Variants in ZRANB2 observed in about 807,000 individuals in gnomAD.
The protein encoded by ZRANB2 is zinc finger Ran-binding domain-containing protein 2.
ZRANB2 carries 19 observed loss-of-function variants against 53.4 expected under a neutral mutation model. The ratio of observed to expected loss-of-function variants is 0.36; its 90% CI spans 0.25 to 0.52. The LOEUF (loss-of-function observed/expected upper bound fraction) is 0.52, where lower values mean the gene tolerates loss of function less well. Among genes scored for constraint, ZRANB2 ranks in the 20% least tolerant of loss-of-function variants. The probability of loss-of-function intolerance (pLI) is 0.93; values close to 1 mark genes in which losing one functional copy is unlikely to be tolerated. For synonymous variants in ZRANB2, 145 were observed against 134.8 expected, an observed-to-expected ratio of 1.08 and a Z score of -0.52; for missense variants, 309 against 401.1, an observed-to-expected ratio of 0.77 and a Z score of 1.96.
rs754830965 is a variant in ZRANB2 at position 71,072,137 on chromosome 1, T to C, written c.497A>G (p.Lys166Arg). ...EEEDEDEDLS[K>R]YKLDEDEDED... ...ATTGTTCACCTCATCTAACTTATAT[T>C]TAGAAAGATCTTCATCCTCATCCTC... The change falls in exon 6 of 10, where the codon AAA becomes AGA. Residue 166 changes from lysine to arginine, a missense_variant. This residue lies in a region of ZRANB2 where 74 missense variants were observed against 180.1 expected (regional missense o/e 0.41). Transcript: ENST00000370920. 1.9e-6 allele frequency: 3 copies of C among 1,608,760 alleles called. No homozygotes were observed. The highest frequency in any genetic ancestry group is 2.5e-6 in the Non-Finnish European group (3 of 1,178,412).
At chr1:71,076,617 G>C (rs888728314) in intron 4 of ZRANB2, among the ~76,000 whole-genome samples, 178 bp downstream of exon 4, 1 of 152,102 alleles carries the variant, frequency 6.6e-6, no homozygotes, top group African/African-American at 2.4e-5. Flanking sequence ...TTTATAAATT[G>C]TGAAACAAAA....
chr1:71,068,747 G>T (rs565448135), intron 8 of ZRANB2, among the ~76,000 whole-genome samples: 2 of 151,424 alleles, frequency 1.3e-5, no homozygotes, highest in Admixed American at 6.6e-5. Context: ...TAATAATGAA[G>T]AAAATTTTTC....
Position 71,072,117 on chromosome 1 carries a change from T to C in ZRANB2, c.513+4A>G. The C allele has an allele frequency of 6.2e-7, 1 of 1,602,658 alleles. No individual in the cohort carries two copies. Among genetic ancestry groups the C allele is most frequent in the Non-Finnish European group, 8.5e-7 (1 of 1,176,892 alleles). On this transcript the variant is annotated splice_donor_region_variant and intron_variant, in intron 6 of 9. Coordinates refer to ENST00000370920, the MANE Select transcript of ZRANB2 (RefSeq NM_203350.3). ...AAGGGAAATAGGACAAGAAAATTGT[T>C]CACCTCATCTAACTTATATTTAGAA...
chr1:71,074,468 A>G (rs1661663067), intron 4 of ZRANB2, among the ~76,000 whole-genome samples: 3 of 152,160 alleles, frequency 2.0e-5, no homozygotes, highest in Admixed American at 2.0e-4. Context: ...ACAATGGAAA[A>G]AAAGCGGGAA....
At chr1:71,079,566 T>C (rs568826363) in intron 1 of ZRANB2, among the ~76,000 whole-genome samples, 3 of 152,340 alleles carry the variant, frequency 2.0e-5, no homozygotes, top group Admixed American at 1.3e-4. Flanking sequence ...GTTAAGTTTT[T>C]CCCCTAAAAA....
intron 1 of ZRANB2, 132 bp from the exon 2 acceptor site, chr1:71,078,840 C>T (rs1310009259): frequency 5.3e-6 from 4 of 749,566 alleles, no homozygotes; most frequent in African/African-American, 3.6e-5. Context: ...ATGTTACCAA[C>T]AAAAAACTCC....
intron 7 of ZRANB2, chr1:71,069,615 T>G (rs1329660970): frequency 8.0e-6 from 2 of 250,814 alleles, no homozygotes; most frequent in Non-Finnish European, 1.5e-5. Flanking sequence ...ATTATCACTT[T>G]ATTACAAAAA....
chr1:71,073,371 C>G (rs902077616), intron 4 of ZRANB2, among the ~76,000 whole-genome samples: 3 of 151,970 alleles, frequency 2.0e-5, no homozygotes, highest in Non-Finnish European at 4.4e-5. Context: ...TAACTGGTCA[C>G]ATACTCCAGA....
chr1:71,072,786 A>T (rs564332772), intron 4 of ZRANB2, among the ~76,000 whole-genome samples: 1 of 152,192 alleles, frequency 6.6e-6, no homozygotes, highest in East Asian at 1.9e-4. Context: ...GCCCTACATG[A>T]CTTATTTAAT....
At chr1:71,068,151 C>T (rs1032717790) in intron 8 of ZRANB2, among the ~76,000 whole-genome samples, 25 of 152,186 alleles carry the variant, frequency 1.6e-4, no homozygotes, top group African/African-American at 5.8e-4. Flanking sequence ...AGGCGTGAGC[C>T]ACTGAGCCTG....
chr1:71,080,174 G>T (rs1010571551), intron 1 of ZRANB2, among the ~76,000 whole-genome samples: 10 of 152,016 alleles, frequency 6.6e-5, no homozygotes, highest in African/African-American at 2.4e-4. Flanking sequence ...TATTTTCCAT[G>T]TTATTTCCGA....
rs561668480 is a variant in ZRANB2 at position 71,063,922 on chromosome 1, T to C, written c.*1152A>G. On this transcript the variant is annotated 3_prime_UTR_variant, in exon 10 of 10. Transcript: ENST00000370920. ...GCACAACTGTTGATTTCCTTTGATA[T>C]ACTTACCTTGCATTGTCACTGGAAA... 1 of 152,518 alleles carries C rather than the reference T, an allele frequency of 6.6e-6. No individual in the cohort carries two copies. Among genetic ancestry groups the C allele is most frequent in the Admixed American group, 6.6e-5 (1 of 15,250 alleles). The allele number at this position is 152,518 out of a possible 1,614,324, so 9.4% of individuals were successfully genotyped here. A position where few individuals can be genotyped will look rare whatever the true frequency, so the allele number is the denominator to read the frequency against.
chr1:71,079,520 A>G (rs765939758), intron 1 of ZRANB2, among the ~76,000 whole-genome samples: 4 of 152,212 alleles, frequency 2.6e-5, no homozygotes, highest in Admixed American at 6.5e-5. Flanking sequence ...GAAGTATGGG[A>G]TGACACTAAA....
chr1:71,071,350 G>T (rs555404412), intron 6 of ZRANB2, among the ~76,000 whole-genome samples: 1 of 152,144 alleles, frequency 6.6e-6, no homozygotes, highest in Admixed American at 6.5e-5. Context: ...CTCTTAGCTG[G>T]TCTCCTCAAA....
intron 4 of ZRANB2, among the ~76,000 whole-genome samples, chr1:71,073,945 C>A (rs1661650323): frequency 1.3e-5 from 2 of 152,052 alleles, no homozygotes; most frequent in South Asian, 4.1e-4. Context: ...CACTGAATAC[C>A]TGAGATAGTG....
intron 1 of ZRANB2, 62 bp downstream of exon 1, chr1:71,080,878 C>T (rs1661831219): frequency 6.3e-7 from 1 of 1,579,474 alleles, no homozygotes; most frequent in Non-Finnish European, 8.7e-7. Flanking sequence ...AAATGCCGGA[C>T]GGACCTCGGA....
intron 4 of ZRANB2, among the ~76,000 whole-genome samples, chr1:71,073,730 A>C (rs1661644325): frequency 6.6e-6 from 1 of 152,070 alleles, no homozygotes; most frequent in Non-Finnish European, 1.5e-5. Context: ...ATATAGTAAA[A>C]TTAGAAAGTG....
At chr1:71,073,702 A>T (rs1661643640) in intron 4 of ZRANB2, among the ~76,000 whole-genome samples, 1 of 152,176 alleles carries the variant, frequency 6.6e-6, no homozygotes, top group African/African-American at 2.4e-5. Flanking sequence ...TAATATGACA[A>T]ATATGGAAAG....
chr1:71,070,982 A>G lies in ZRANB2; in HGVS notation c.528T>C (p.Asp176=). ...GATTATATTTTGAGAGATCAGCGTC[A>G]TCTTCATCCTCATCCTAACAAAAAT... ...KYKLDEDEDE[D]DADLSKYNLD... Residue 176 remains aspartate (D), a synonymous_variant, in exon 7 of 10, where the codon GAT becomes GAC. Coordinates refer to ENST00000370920, the MANE Select transcript of ZRANB2 (RefSeq NM_203350.3). 1 of 1,577,980 alleles carries G rather than the reference A, an allele frequency of 6.3e-7. No homozygotes were observed. The highest frequency in any genetic ancestry group is 1.2e-5 in the South Asian group (1 of 85,658).
Sources: gnomAD v4.1 joint callset for allele counts (sites outside exome capture counted in the v4.1 genomes callset) on GRCh38, gnomAD v4.1.1 for gene constraint, gnomAD v4.1.1 regional missense constraint, MANE v1.5 for transcripts, NCBI Gene and HGNC (gene_info 2026-07-23, HGNC 2026-07-21) for gene names.